Variants in ELAC2 observed in about 807,000 individuals in gnomAD.
ELAC2 encodes zinc phosphodiesterase ELAC protein 2.
A neutral mutation model predicts 105.2 loss-of-function variants in ELAC2; 92 were observed. The observed-to-expected ratio is 0.87, with a 90% confidence interval of 0.74 to 1.04. ELAC2 has a LOEUF of 1.04. Among genes scored for constraint, ELAC2 ranks in the 50% least tolerant of loss-of-function variants. The pLI, the probability that ELAC2 is intolerant of heterozygous loss-of-function variation, is 0.00. For missense variants in ELAC2, 1,099 were observed against 1,071.7 expected (o/e 1.03, Z -0.36); for synonymous variants, 468 against 409.1 (o/e 1.14, Z -1.74).
chr17:13,013,567 G>A (rs2041548801), intron 5 of ELAC2, among the ~76,000 whole-genome samples: 1 of 152,124 alleles, frequency 6.6e-6, no homozygotes, highest in South Asian at 2.1e-4. Context: ...AGAGACCCAA[G>A]TTAACAAACA....
chr17:12,998,277 T>G, intron 16 of ELAC2, 135 bp downstream of exon 16: 1 of 887,804 alleles, frequency 1.1e-6, no homozygotes, highest in South Asian at 1.4e-5. Context: ...GCTCCTCTCC[T>G]GGACACTCCA....
chr17:12,994,412 C>A lies in ELAC2; in HGVS notation c.2108+13G>T, dbSNP rs190562664. The A allele has an allele frequency of 1.2e-6, 2 of 1,613,972 alleles. No homozygotes were observed. Among genetic ancestry groups the A allele is most frequent in the African/African-American group, 1.3e-5 (1 of 74,912 alleles). The stretch of plus-strand genomic sequence containing the variant: ...GAGGATGTGGGCGACAAGGACTGAC[C>A]GGCCTTTGCTACCTGTGTGTCTTTT... On this transcript the variant is annotated intron_variant, in intron 22 of 23. Transcript: ENST00000338034.
chr17:12,997,369 G>A (rs1040785910), intron 16 of ELAC2, among the ~76,000 whole-genome samples: 2 of 152,176 alleles, frequency 1.3e-5, no homozygotes, highest in African/African-American at 4.8e-5. Flanking sequence ...TTCTCTGGGA[G>A]GAGCCACGAA....
chr17:13,017,222 G>GA (rs888105211), intron 1 of ELAC2, 101 bp from the exon 2 acceptor site: 436 of 1,103,776 alleles, frequency 4.0e-4, no homozygotes, highest in African/African-American at 8.1e-4. Flanking sequence ...AAAAAAAAAA[G>GA]AAAAAAAAAT....
chr17:13,013,347 A>C, intron 5 of ELAC2, 72 bp from the exon 6 acceptor site: 6 of 1,526,752 alleles, frequency 3.9e-6, no homozygotes, highest in Non-Finnish European at 5.4e-6. Context: ...CTTCAGGATC[A>C]CCAACCACGA....
At position 13,000,171 on chromosome 17, in the gene ELAC2, C is replaced by T. The variant is rs751907634; in HGVS notation, c.1408G>A (p.Gly470Ser). The change falls in exon 15 of 24, where the codon GGC becomes AGC. Residue 470 changes from glycine (G) to serine (S), a missense_variant. Transcript: ENST00000338034. ...TCCCACTCACCTGCTGGGGCTGGGC[C>T]GTCCTGCGCACTCCTCCTGTACTCC... Reference protein sequence around the residue: ...VQEYRRSAQDGPAPAEKRSQY... With the variant: ...VQEYRRSAQDSPAPAEKRSQY... 8.1e-6 allele frequency: 13 copies of T among 1,613,662 alleles called. No homozygotes were observed. Among genetic ancestry groups the T allele is most frequent in the South Asian group, 1.1e-5 (1 of 91,046 alleles).
At chr17:12,993,583 G>T in intron 23 of ELAC2, 104 bp downstream of exon 23, 1 of 1,548,726 alleles carries the variant, frequency 6.5e-7, no homozygotes. Flanking sequence ...TCCCACGGTG[G>T]CCCCAAATAA....
intron 7 of ELAC2, among the ~76,000 whole-genome samples, chr17:13,011,200 G>A (rs8071829): frequency 0.27 from 41,681 of 152,012 alleles, 5,885 homozygotes; most frequent in Middle Eastern, 0.33. Context: ...GAAGCGGCCT[G>A]ACTCCTGAGC....
At chr17:13,003,455 G>A in intron 12 of ELAC2, 24 bp downstream of exon 12, 1 of 1,610,084 alleles carries the variant, frequency 6.2e-7, no homozygotes, top group Non-Finnish European at 8.5e-7. Context: ...GTTACCCCAA[G>A]TGCCGCTGGG....
At chr17:13,004,910 C>T (rs2041020967) in intron 11 of ELAC2, 79 bp downstream of exon 11, 1 of 1,129,790 alleles carries the variant, frequency 8.9e-7, no homozygotes, top group Non-Finnish European at 1.3e-6. Flanking sequence ...AGAAACACAG[C>T]TCTTGCCACA....
Position 13,013,268 on chromosome 17 carries a change from C to A in ELAC2, c.498G>T (p.Arg166=). Residue 166 remains arginine (R), a synonymous_variant, in exon 6 of 24, where the codon CGG becomes CGT. Transcript: ENST00000338034. ...GPLKGIELAV[R]PHSAPEYEDE... is the part of the protein sequence containing the mutation. ...CCTCGTATTCTGGGGCAGAGTGGGG[C>A]CGCACAGCTACAAGAAAACCACACA... 2 of 1,614,066 alleles carry A rather than the reference C, an allele frequency of 1.2e-6. No homozygotes were observed. Among genetic ancestry groups the A allele is most frequent in the South Asian group, 1.1e-5 (1 of 91,050 alleles).
rs371733501 is a variant in ELAC2, at chr17:13,005,838, G to A, written c.798-13C>T. On this transcript the variant is annotated splice_polypyrimidine_tract_variant and intron_variant, in intron 9 of 23. Transcript: ENST00000338034. ...GGCAGCTGTCCCACTGAAATGAAGA[G>A]GCAAGGCCTCTGTGAAATGTGATTT... 1 of 1,614,026 alleles carries A rather than the reference G, an allele frequency of 6.2e-7. No individual in the cohort carries two copies. Among genetic ancestry groups the A allele is most frequent in the East Asian group, 2.2e-5 (1 of 44,874 alleles).
intron 3 of ELAC2, among the ~76,000 whole-genome samples, chr17:13,016,586 G>A (rs2041733589): frequency 6.6e-6 from 1 of 151,796 alleles, no homozygotes; most frequent in Non-Finnish European, 1.5e-5. Context: ...AGACCAGCCT[G>A]GGCAACATAG....
chr17:13,003,534 G>A lies in ELAC2; in HGVS notation c.1024C>T (p.His342Tyr). ...ACAAGCACAGATGCTGGGGCCATGTGAACCACCAAGGCCACGGGGGCATCT... is the reference window on the plus strand; with the variant it reads ...ACAAGCACAGATGCTGGGGCCATGTAAACCACCAAGGCCACGGGGGCATCT... Reference protein sequence around the residue: ...KADAPVALVVHMAPASVLVDS... With the variant: ...KADAPVALVVYMAPASVLVDS... Residue 342 changes from histidine (H) to tyrosine (Y), a missense_variant, in exon 12 of 24, where the codon CAC becomes TAC. By Grantham distance (83) the His-to-Tyr change is moderately conservative. Transcript: ENST00000338034. 6.2e-7 allele frequency: 1 copy of A among 1,614,204 alleles called. No homozygotes were observed. Among genetic ancestry groups the A allele is most frequent in the Non-Finnish European group, 8.5e-7 (1 of 1,180,030 alleles).
chr17:13,017,036 T>C (rs969444356), intron 2 of ELAC2, 35 bp downstream of exon 2: 3 of 1,613,736 alleles, frequency 1.9e-6, no homozygotes, highest in Admixed American at 3.3e-5. Flanking sequence ...AGCCCCGTAA[T>C]CAACTCCCCC....
chr17:13,011,540 C>T (rs2041411014), intron 7 of ELAC2, 123 bp downstream of exon 7: 1 of 1,522,566 alleles, frequency 6.6e-7, no homozygotes, highest in Admixed American at 1.7e-5. Flanking sequence ...ATAGTAAGCC[C>T]AGGAAGAAGG....
chr17:13,004,062 G>C (rs939961327), intron 11 of ELAC2: 8 of 200,524 alleles, frequency 4.0e-5, no homozygotes, highest in Non-Finnish European at 7.3e-5. Context: ...CTGGACAACA[G>C]ACCACTTACT....
rs753540327 is a variant in ELAC2, at chr17:12,994,958, C to T, written c.1908+5G>A. 1.3e-5 allele frequency: 21 copies of T among 1,614,174 alleles called. No homozygotes were observed. The South Asian group carries it at 1.9e-4, about 14-fold the overall frequency. ...CCCCATGATGCCTGCGGCTGTGCCC[C>T]TTACCTCTTCCAAATCACATGTTCG... On this transcript the variant is annotated splice_donor_5th_base_variant and intron_variant, in intron 20 of 23. Transcript: ENST00000338034.
In ELAC2 at chr17:12,996,564, G is replaced by A; in HGVS notation, c.1642C>T (p.His548Tyr). Residue 548 changes from histidine (H) to tyrosine (Y), a missense_variant, in exon 17 of 24, where the codon CAC (histidine) becomes TAC (tyrosine). Transcript: ENST00000338034. ...TLAAVFVSHL[H>Y]ADHHTGLPSI... is the part of the protein sequence containing the mutation. ...ACACTCACCGTGTGGTGATCTGCGT[G>A]CAGGTGGGACACAAACACAGCAGCC... is the stretch of plus-strand genomic sequence containing the variant. The A allele has an allele frequency of 6.2e-7, 1 of 1,614,008 alleles. No individual in the cohort carries two copies.
Sources: allele counts gnomAD v4.1 joint callset (sites outside exome capture counted in the v4.1 genomes callset), GRCh38; gene constraint gnomAD v4.1.1; transcripts MANE v1.5; gene names NCBI Gene and HGNC (gene_info 2026-07-23, HGNC 2026-07-21).